Variants in KIF25 observed in about 807,000 individuals in gnomAD.
KIF25 encodes kinesin-like protein KIF25.
A neutral mutation model predicts 32.9 loss-of-function variants in KIF25; 19 were observed. The ratio of observed to expected loss-of-function variants is 0.58; its 90% CI spans 0.40 to 0.85. The LOEUF (loss-of-function observed/expected upper bound fraction) is 0.85, where lower values mean the gene tolerates loss of function less well. Ranked by LOEUF, KIF25 falls within the 40% of genes least tolerant of loss-of-function variation. KIF25 has a pLI of 0.00. For missense variants in KIF25, 485 were observed against 507.0 expected, an observed-to-expected ratio of 0.96 and a Z score of 0.42; for synonymous variants, 225 against 213.7, an observed-to-expected ratio of 1.05 and a Z score of -0.46.
chr6:168,013,816 C>T (rs531257336), intron 4 of KIF25, among the ~76,000 whole-genome samples: 4 of 152,126 alleles, frequency 2.6e-5, no homozygotes, highest in Admixed American at 2.0e-4. Flanking sequence ...CCTGGACTTC[C>T]GGTCAACACA....
chr6:168,036,487 G>C (rs1399794584), intron 8 of KIF25, among the ~76,000 whole-genome samples: 1 of 152,222 alleles, frequency 6.6e-6, no homozygotes, highest in Non-Finnish European at 1.5e-5. Context: ...AGTCCTTTGC[G>C]TGTGTGCCTC....
intron 5 of KIF25, among the ~76,000 whole-genome samples, chr6:168,023,535 T>C (rs1450279196): frequency 2.6e-5 from 4 of 152,152 alleles, no homozygotes; most frequent in African/African-American, 9.7e-5. Context: ...CCCAAAGTGC[T>C]GAGATTACAG....
intron 4 of KIF25, among the ~76,000 whole-genome samples, chr6:168,008,313 C>T (rs1370198435): frequency 1.3e-5 from 2 of 152,088 alleles, no homozygotes; most frequent in Non-Finnish European, 2.9e-5. Flanking sequence ...TTTCCTAGTA[C>T]CATTTATTGA....
chr6:168,006,488 C>T (rs994742247), intron 4 of KIF25, among the ~76,000 whole-genome samples: 2 of 152,072 alleles, frequency 1.3e-5, no homozygotes, highest in African/African-American at 2.4e-5. Flanking sequence ...CAAGACTGGC[C>T]GGATATTCCA....
At chr6:168,031,012 G>C (rs2301526) in intron 7 of KIF25, among the ~76,000 whole-genome samples, 165 bp downstream of exon 7, 8,311 of 152,236 alleles carry the variant, frequency 0.055, 478 homozygotes, top group African/African-American at 0.13. Flanking sequence ...CATCCGTGGA[G>C]ACTATTTCCG....
intron 5 of KIF25, 55 bp from the exon 6 acceptor site, chr6:168,029,437 G>C: frequency 8.0e-7 from 1 of 1,252,184 alleles, no homozygotes; most frequent in Non-Finnish European, 1.1e-6. Flanking sequence ...TAACATTCAT[G>C]TTAAGGCATG....
intron 6 of KIF25, among the ~76,000 whole-genome samples, chr6:168,030,382 A>T (rs942473890): frequency 6.6e-6 from 1 of 151,738 alleles, no homozygotes; most frequent in African/African-American, 2.4e-5. Flanking sequence ...TAATTTAGTT[A>T]TGGGATAATT....
Position 168,042,723 on chromosome 6 carries a change from G to A in KIF25, c.985+7G>A, listed in dbSNP as rs55745352. The A allele has an allele frequency of 4.3e-3, 6,967 of 1,605,728 alleles. 299 individuals are homozygous for A. In the African/African-American group the frequency reaches 0.083, roughly 19 times the overall value. The stretch of plus-strand genomic sequence containing the variant: ...CTCCTTCAGGACTGCCTCGGTAACC[G>A]TTTTCCCCAAAATGCCCCAGGATGG... On this transcript the variant is annotated splice_region_variant and intron_variant, in intron 12 of 12. Transcript: ENST00000643607.
intron 12 of KIF25, among the ~76,000 whole-genome samples, chr6:168,042,974 C>T (rs556542675): frequency 6.6e-6 from 1 of 152,318 alleles, no homozygotes; most frequent in African/African-American, 2.4e-5. Flanking sequence ...GGTGGCAGCC[C>T]TGGCCTTTCT....
intron 5 of KIF25, among the ~76,000 whole-genome samples, chr6:168,022,775 T>G (rs1222953913): frequency 2.0e-5 from 3 of 151,232 alleles, no homozygotes; most frequent in African/African-American, 7.3e-5. Flanking sequence ...GTTGTTTTTT[T>G]TTTTTTTTTT....
chr6:168,023,223 C>T (rs1267884140), intron 5 of KIF25, among the ~76,000 whole-genome samples: 2 of 151,786 alleles, frequency 1.3e-5, no homozygotes, highest in East Asian at 3.9e-4. Context: ...TTCTACCCAG[C>T]CTTTTTCCAC....
chr6:168,038,039 A>G (rs1206145612), intron 8 of KIF25, among the ~76,000 whole-genome samples: 1 of 152,110 alleles, frequency 6.6e-6, no homozygotes, highest in Admixed American at 6.6e-5. Flanking sequence ...AATGAGCCCG[A>G]GCTGGTTTTA....
At position 168,029,676 on chromosome 6, in the gene KIF25, A is replaced by T. The variant is rs780740963; in HGVS notation, c.91A>T (p.Arg31Trp). The change falls in exon 6 of 13, where the codon AGG (arginine) becomes TGG (tryptophan). Residue 31 changes from arginine (R) to tryptophan (W), a missense_variant and splice_region_variant. By Grantham distance (101) the Arg-to-Trp change is moderately radical (BLOSUM62 -3). This residue lies in a region of KIF25 where 480 missense variants were observed against 470.3 expected (regional missense o/e 1.02). Coordinates refer to ENST00000643607, the MANE Select transcript of KIF25 (RefSeq NM_030615.4). ...GGCCTTCCCAGATGACAAGGACCTC[A>T]GGTCAGCTTCAGCGTGAGAAGCAGG... ...VLAFPDDKDL[R>W]VYGPAESQSA... 4 of 1,603,938 alleles carry T rather than the reference A, an allele frequency of 2.5e-6. No homozygotes were observed. Among genetic ancestry groups the T allele is most frequent in the Non-Finnish European group, 3.4e-6 (4 of 1,176,092 alleles).
chr6:168,038,196 G>T (rs1799053647), intron 8 of KIF25, among the ~76,000 whole-genome samples: 1 of 152,188 alleles, frequency 6.6e-6, no homozygotes, highest in Admixed American at 6.5e-5. Flanking sequence ...CTTGCAGCTT[G>T]CCTTGGGTGT....
intron 4 of KIF25, among the ~76,000 whole-genome samples, chr6:168,013,102 T>C (rs1163172325): frequency 1.3e-5 from 2 of 151,800 alleles, no homozygotes; most frequent in African/African-American, 4.8e-5. Context: ...GTGAGGAGCA[T>C]GTCTGTAGGG....
chr6:168,016,019 C>G (rs957154368), intron 4 of KIF25, among the ~76,000 whole-genome samples: 8 of 152,156 alleles, frequency 5.3e-5, no homozygotes, highest in African/African-American at 1.9e-4. Context: ...ACGGTTCATA[C>G]TGGAGCACTA....
At position 168,029,481 on chromosome 6, in the gene KIF25, A is replaced by G. The variant is rs1798908702; in HGVS notation, c.-94-11A>G. On this transcript the variant is annotated splice_polypyrimidine_tract_variant and intron_variant, in intron 5 of 12. Coordinates refer to ENST00000643607, the MANE Select transcript of KIF25 (RefSeq NM_030615.4). The stretch of plus-strand genomic sequence containing the variant: ...AATACTGTTACGTTTTCAAGTCATG[A>G]TCCTTTACAGATATACTGGCCTTCC... The G allele has an allele frequency of 3.3e-6, 5 of 1,516,738 alleles. No individual in the cohort carries two copies. The highest frequency in any genetic ancestry group is 1.4e-5 in the African/African-American group (1 of 71,748). The allele number at this position is 1,516,738 out of a possible 1,614,324, so 94.0% of individuals were successfully genotyped here.
chr6:168,021,066 C>G (rs1798781145), intron 5 of KIF25, among the ~76,000 whole-genome samples: 1 of 152,162 alleles, frequency 6.6e-6, no homozygotes, highest in Non-Finnish European at 1.5e-5. Context: ...CTCACACTAC[C>G]CGATTTAAAG....
At chr6:168,025,884 C>A (rs765936680) in intron 5 of KIF25, among the ~76,000 whole-genome samples, 2 of 152,210 alleles carry the variant, frequency 1.3e-5, no homozygotes, top group Admixed American at 1.3e-4. Context: ...ACAGAGTGTG[C>A]GGCCGAGTAC....
Sources: gnomAD v4.1 joint callset for allele counts (sites outside exome capture counted in the v4.1 genomes callset) on GRCh38, gnomAD v4.1.1 for gene constraint, gnomAD v4.1.1 regional missense constraint, MANE v1.5 for transcripts, NCBI Gene and HGNC (gene_info 2026-07-23, HGNC 2026-07-21) for gene names.